The following SLC26A11 variants were observed in gnomAD, a reference collection of about 807,000 sequenced individuals.
SLC26A11 encodes the protein solute carrier family 26 member 11.
In SLC26A11, 58 loss-of-function variants were observed where a neutral mutation model predicts 62.2. That is an observed-to-expected ratio of 0.93 (90% CI 0.76 to 1.16). The LOEUF (loss-of-function observed/expected upper bound fraction) is 1.16. Ranked by LOEUF, SLC26A11 falls within the 50% of genes most tolerant of loss-of-function variation. The pLI is 0.00. For missense variants in SLC26A11, 790 were observed against 794.3 expected (o/e 0.99, Z 0.06); for synonymous variants, 411 against 368.9 (o/e 1.11, Z -1.31).
intron 6 of SLC26A11, among the ~76,000 whole-genome samples, chr17:80,227,552 A>G (rs1354965537): frequency 6.6e-6 from 1 of 152,248 alleles, no homozygotes; most frequent in African/African-American, 2.4e-5. Flanking sequence ...TGCTTAGGAG[A>G]AAACATCTCA....
At chr17:80,221,963 G>A in intron 3 of SLC26A11, 169 bp downstream of exon 3, 4 of 693,286 alleles carry the variant, frequency 5.8e-6, no homozygotes, top group Non-Finnish European at 7.1e-6. Context: ...AGGCTCCTAT[G>A]CCTGTTTGGC....
chr17:80,231,033 C>T (rs1397935309), intron 7 of SLC26A11, among the ~76,000 whole-genome samples: 3 of 114,420 alleles, frequency 2.6e-5, no homozygotes. Context: ...CTCAAAGAAC[C>T]ACCTTTGGTT....
chr17:80,224,294 TGTGC>T (rs1301865480), intron 5 of SLC26A11, among the ~76,000 whole-genome samples: 17 of 61,294 alleles, frequency 2.8e-4, no homozygotes, highest in African/African-American at 4.2e-4. Flanking sequence ...TGTGAGTGAG[TGTGC>T]GTGTGTGTGT....
intron 10 of SLC26A11, among the ~76,000 whole-genome samples, chr17:80,242,047 G>A (rs2042879894): frequency 6.6e-6 from 1 of 152,242 alleles, no homozygotes; most frequent in Non-Finnish European, 1.5e-5. Flanking sequence ...CACGATCTTG[G>A]CTCACTACAA....
At chr17:80,234,848 T>C (rs2042650035) in intron 7 of SLC26A11, among the ~76,000 whole-genome samples, 1 of 151,616 alleles carries the variant, frequency 6.6e-6, no homozygotes, top group African/African-American at 2.4e-5. Flanking sequence ...GAATCTTTTT[T>C]TTTCTTTTTT....
At chr17:80,244,174 A>T (rs2042935867) in intron 10 of SLC26A11, among the ~76,000 whole-genome samples, 1 of 152,142 alleles carries the variant, frequency 6.6e-6, no homozygotes, top group Admixed American at 6.5e-5. Context: ...AGCAGGAGGG[A>T]TTCTGGTCTT....
chr17:80,231,865 A>G (rs1404117440), intron 7 of SLC26A11, among the ~76,000 whole-genome samples: 7 of 152,214 alleles, frequency 4.6e-5, no homozygotes, highest in Non-Finnish European at 1.0e-4. Context: ...AATATGGTCT[A>G]TCTTAGTGAA....
At chr17:80,225,198 G>GA (rs1005044812) in intron 5 of SLC26A11, among the ~76,000 whole-genome samples, 7 of 149,988 alleles carry the variant, frequency 4.7e-5, no homozygotes, top group Non-Finnish European at 8.9e-5. Flanking sequence ...GCTCTCTAAA[G>GA]AAAAAAAAAC....
Position 80,253,305 on chromosome 17 carries a change from C to T in SLC26A11, c.*589C>T, listed in dbSNP as rs1456581169. 2 of 152,676 alleles carry T rather than the reference C, an allele frequency of 1.3e-5. No individual in the cohort carries two copies. Among genetic ancestry groups the T allele is most frequent in the African/African-American group, 4.8e-5 (2 of 41,448 alleles). The allele number at this position is 152,676 out of a possible 1,614,324, so 9.5% of individuals were successfully genotyped here. Reference sequence around the variant, plus strand: ...GTAAAAAATACAGGAAACCACCCCTCACCCTGTCCACTTGGGTGATCATTC... The same window carrying T: ...GTAAAAAATACAGGAAACCACCCCTTACCCTGTCCACTTGGGTGATCATTC... On this transcript the variant is annotated 3_prime_UTR_variant, in exon 18 of 18. Transcript: ENST00000361193.
chr17:80,223,200 C>T lies in SLC26A11; in HGVS notation c.428-52C>T. The T allele has an allele frequency of 3.2e-6, 5 of 1,546,842 alleles. No homozygotes were observed. Among genetic ancestry groups the T allele is most frequent in the Admixed American group, 1.7e-5 (1 of 59,480 alleles). Reference sequence around the variant, plus strand: ...CCCAGCTCACATCTCCCCTCATCCTCTGGGACTGGGTGGAGCCGGGACCAG... The same window carrying T: ...CCCAGCTCACATCTCCCCTCATCCTTTGGGACTGGGTGGAGCCGGGACCAG... On this transcript the variant is annotated intron_variant, in intron 4 of 17. Coordinates refer to ENST00000361193, the MANE Select transcript of SLC26A11 (RefSeq NM_001166347.2). The surrounding 1 kb of genome is among the most constrained non-coding windows in gnomAD (Gnocchi z 4.6).
chr17:80,251,008 T>C (rs1335002912), intron 16 of SLC26A11, among the ~76,000 whole-genome samples: 1 of 151,742 alleles, frequency 6.6e-6, no homozygotes, highest in African/African-American at 2.4e-5. Flanking sequence ...CGTGGTGGCG[T>C]GCACCTGTAG....
chr17:80,251,488 C>T lies in SLC26A11; in HGVS notation c.1729+87C>T. The T allele has an allele frequency of 2.6e-6, 4 of 1,537,108 alleles. No homozygotes were observed. The South Asian group carries it at 3.6e-5, about 14-fold the overall frequency. On this transcript the variant is annotated intron_variant, in intron 17 of 17. Coordinates refer to ENST00000361193, the MANE Select transcript of SLC26A11 (RefSeq NM_001166347.2). ...TAAAAAATATGGGAAACCAGCTGGG[C>T]ACAGTGGCTCATGCCTGTAATCCCA... is the stretch of plus-strand genomic sequence containing the variant.
Position 80,222,878 on chromosome 17 carries a change from C to T in SLC26A11, c.427+31C>T, listed in dbSNP as rs1227769805. 2.5e-6 allele frequency: 4 copies of T among 1,606,248 alleles called. No homozygotes were observed. Among genetic ancestry groups the T allele is most frequent in the Non-Finnish European group, 3.4e-6 (4 of 1,174,926 alleles). On this transcript the variant is annotated intron_variant, in intron 4 of 17. Coordinates refer to ENST00000361193, the MANE Select transcript of SLC26A11 (RefSeq NM_001166347.2). The surrounding 1 kb of genome is among the most constrained non-coding windows in gnomAD (Gnocchi z 4.7). ...GCTCTACCTTCTTGCCAAGGGGATG[C>T]CCTCGACCTCAGCATTTGCTTGTTT...
rs1214076782 is a variant in SLC26A11 at position 80,236,120 on chromosome 17, C to T, written c.737-808C>T. ...GTAAAACCCTCTGGAGTCCCTGATG[C>T]TCCATGAATTATGAGGGTTTTTTAC... On this transcript the variant is annotated intron_variant, in intron 7 of 17. Coordinates refer to ENST00000361193, the MANE Select transcript of SLC26A11 (RefSeq NM_001166347.2). Among the ~76,000 whole-genome samples the T allele has an allele frequency of 3.3e-5, 5 of 152,328 alleles. No individual in the cohort carries two copies. The East Asian group carries it at 9.6e-4, about 29-fold the overall frequency.
At position 80,248,735 on chromosome 17, in the gene SLC26A11, C is replaced by T. The variant is rs575112764; in HGVS notation, c.1522+61C>T. 91 of 1,476,948 alleles carry T rather than the reference C, an allele frequency of 6.2e-5. No homozygotes were observed. In the Admixed American group the frequency reaches 1.1e-3, roughly 18 times the overall value. 91.5% of individuals were successfully genotyped at this position (1,476,948 alleles called of 1,614,324 possible). ...TCCCCTGTCCTCTGCCCCCCACTCCCTGCTGTTCAGGACCCCAAGACCCTG... is the reference window on the plus strand; with the variant it reads ...TCCCCTGTCCTCTGCCCCCCACTCCTTGCTGTTCAGGACCCCAAGACCCTG... On this transcript the variant is annotated intron_variant, in intron 15 of 17. Coordinates refer to ENST00000361193, the MANE Select transcript of SLC26A11 (RefSeq NM_001166347.2).
intron 17 of SLC26A11, 126 bp downstream of exon 17, chr17:80,251,527 C>G: frequency 7.9e-7 from 1 of 1,263,336 alleles, no homozygotes; most frequent in Non-Finnish European, 1.1e-6. Context: ...CTTTGGGAGG[C>G]CGAGGCAGGT....
At chr17:80,224,292 AGTGTGCGTGTGTGTGT>A (rs2042319634) in intron 5 of SLC26A11, among the ~76,000 whole-genome samples, 3 of 139,458 alleles carry the variant, frequency 2.2e-5, no homozygotes, top group African/African-American at 3.0e-5. Flanking sequence ...TGTGTGAGTG[AGTGTGCGTGTGTGTGT>A]GAGAGAGTGT....
chr17:80,234,489 G>T (rs1027207505), intron 7 of SLC26A11, among the ~76,000 whole-genome samples: 77 of 148,304 alleles, frequency 5.2e-4, no homozygotes, highest in African/African-American at 1.8e-3. Flanking sequence ...TTTGTTTTTT[G>T]TTTTCTGTGT....
At chr17:80,220,524 A>G (rs2042118103) in intron 1 of SLC26A11, 28 bp downstream of exon 1, 1 of 427,914 alleles carries the variant, frequency 2.3e-6, no homozygotes, top group African/African-American at 2.1e-5. Context: ...GAGGGCGGCG[A>G]GCGGGGACCA....
Sources: gnomAD v4.1 joint callset for allele counts (sites outside exome capture counted in the v4.1 genomes callset) on GRCh38, gnomAD v4.1.1 for gene constraint, Gnocchi (gnomAD v3.1) non-coding constraint, MANE v1.5 for transcripts, NCBI Gene and HGNC (gene_info 2026-07-23, HGNC 2026-07-21) for gene names.